The following ANK2 variants were observed in gnomAD, a reference collection of about 807,000 sequenced individuals.
The protein encoded by ANK2 is ankyrin 2.
ANK2 carries 83 observed loss-of-function variants against 360.5 expected under a neutral mutation model. The observed-to-expected ratio is 0.23, with a 90% CI of 0.19 to 0.28. The LOEUF (loss-of-function observed/expected upper bound fraction) is 0.28, where lower values mean the gene tolerates loss of function less well. Among genes scored for constraint, ANK2 ranks in the 10% least tolerant of loss-of-function variants. The probability of loss-of-function intolerance (pLI) is 1.00; values close to 1 mark genes in which losing one functional copy is unlikely to be tolerated. For missense variants in ANK2, 4,201 were observed against 4,795.7 expected (o/e 0.88, Z 3.66); for synonymous variants, 1,740 against 1,759.5 (o/e 0.99, Z 0.28).
At chr4:112,714,967 T>G in the ANK2 span, among the ~76,000 whole-genome samples, 2 of 152,322 alleles carry the variant, frequency 1.3e-5, no homozygotes, top group South Asian at 4.1e-4. Context: ...TCAAACATAG[T>G]GGCTTCAAAC....
chr4:113,272,826 T>C (rs1270855539), intron 14 of ANK2, among the ~76,000 whole-genome samples: 1 of 152,162 alleles, frequency 6.6e-6, no homozygotes, highest in African/African-American at 2.4e-5. Flanking sequence ...CCACCCACCT[T>C]TATCAAATTT....
At chr4:113,235,149 T>G (rs1296848279) in intron 5 of ANK2, among the ~76,000 whole-genome samples, 5 of 152,230 alleles carry the variant, frequency 3.3e-5, no homozygotes, top group African/African-American at 1.2e-4. Flanking sequence ...AATTTCACAC[T>G]CTTTTAATAT....
intron 1 of ANK2, chr4:113,070,181 C>A (rs1200507683): frequency 6.6e-6 from 1 of 152,174 alleles, no homozygotes; most frequent in Non-Finnish European, 1.5e-5. Context: ...ATCTTATATT[C>A]TCCAAATTTA....
At chr4:113,118,295 G>A (rs1406633964) in intron 1 of ANK2, among the ~76,000 whole-genome samples, 1 of 152,190 alleles carries the variant, frequency 6.6e-6, no homozygotes, top group East Asian at 1.9e-4. Flanking sequence ...TATTACATTA[G>A]CAGAGCATTA....
the ANK2 span, among the ~76,000 whole-genome samples, chr4:112,751,597 T>G: frequency 6.9e-6 from 1 of 145,148 alleles, no homozygotes; most frequent in African/African-American, 2.6e-5. Context: ...ATGAGAAGGA[T>G]TAAGTAGCAG....
intron 2 of ANK2, among the ~76,000 whole-genome samples, chr4:113,183,751 C>T (rs1412130644): frequency 6.6e-6 from 1 of 151,428 alleles, no homozygotes; most frequent in Non-Finnish European, 1.5e-5. Context: ...TGGAAGTGAG[C>T]GGATAAGGTA....
chr4:113,194,613 C>CT (rs1562793210), intron 2 of ANK2, among the ~76,000 whole-genome samples: 2 of 151,990 alleles, frequency 1.3e-5, no homozygotes, highest in East Asian at 1.9e-4. Context: ...GCATTACCAT[C>CT]TTTTTTTAAA....
At chr4:113,269,193 G>T (rs1361388775) in intron 14 of ANK2, among the ~76,000 whole-genome samples, 1 of 152,174 alleles carries the variant, frequency 6.6e-6, no homozygotes, top group African/African-American at 2.4e-5. Flanking sequence ...CAAGCCAGTG[G>T]ATCTTAGCTT....
chr4:112,830,613 TTA>T (rs1416812282), intron 1 of ANK2, among the ~76,000 whole-genome samples: 1 of 135,272 alleles, frequency 7.4e-6, no homozygotes, highest in African/African-American at 3.0e-5. Flanking sequence ...GCAATTATTA[TTA>T]TTATTTTTTT....
the ANK2 span, among the ~76,000 whole-genome samples, chr4:112,752,363 C>T: frequency 1.3e-5 from 2 of 152,192 alleles, no homozygotes; most frequent in Non-Finnish European, 2.9e-5. Context: ...TGTTAAGCAG[C>T]AAGTGCCTCT....
At chr4:113,185,573 TAA>T (rs1216982972) in intron 2 of ANK2, among the ~76,000 whole-genome samples, 1 of 152,246 alleles carries the variant, frequency 6.6e-6, no homozygotes, top group Non-Finnish European at 1.5e-5. Flanking sequence ...TTTTTTCTTG[TAA>T]ATTTGTTTAA....
chr4:113,253,974 C>T (rs893275836), intron 10 of ANK2, among the ~76,000 whole-genome samples: 13 of 152,170 alleles, frequency 8.5e-5, no homozygotes, highest in East Asian at 5.8e-4. Flanking sequence ...CTTCTCCTTA[C>T]GATTATTGAT....
chr4:113,366,360 C>A (rs933738045), intron 41 of ANK2, among the ~76,000 whole-genome samples: 4 of 116,202 alleles, frequency 3.4e-5, no homozygotes, highest in Non-Finnish European at 7.2e-5. Flanking sequence ...AAAACATTTT[C>A]TTTACTTAAA....
chr4:113,265,931 A>G (rs1448219129), intron 14 of ANK2, among the ~76,000 whole-genome samples: 1 of 152,168 alleles, frequency 6.6e-6, no homozygotes. Context: ...AAGTGATTTC[A>G]GGCAGGTCAC....
chr4:113,211,255 G>A (rs1410040304), intron 4 of ANK2, among the ~76,000 whole-genome samples: 1 of 152,178 alleles, frequency 6.6e-6, no homozygotes, highest in Non-Finnish European at 1.5e-5. Context: ...ATGATAATTT[G>A]TGCATCATTC....
chr4:112,809,403 TAC>T, the ANK2 span, among the ~76,000 whole-genome samples: 2 of 150,230 alleles, frequency 1.3e-5, no homozygotes, highest in Non-Finnish European at 3.0e-5. Flanking sequence ...CTACTAAATA[TAC>T]AAAAAATTAG....
At chr4:112,778,676 C>G in the ANK2 span, among the ~76,000 whole-genome samples, 1 of 152,066 alleles carries the variant, frequency 6.6e-6, no homozygotes, top group Non-Finnish European at 1.5e-5. Flanking sequence ...GGTGTCAATT[C>G]GAACCAATCG....
intron 2 of ANK2, among the ~76,000 whole-genome samples, chr4:112,986,812 C>T (rs966053017): frequency 2.6e-5 from 4 of 152,074 alleles, no homozygotes; most frequent in Non-Finnish European, 5.9e-5. Flanking sequence ...GAACCTTGAG[C>T]GCTTGCAGAT....
chr4:112,870,245 C>T lies in ANK2; in HGVS notation c.-39-34210C>T, dbSNP rs903193664. Among the ~76,000 whole-genome samples, 6 of 151,464 alleles carry T rather than the reference C, an allele frequency of 4.0e-5. No homozygotes were observed. The East Asian group carries it at 5.9e-4, about 15-fold the overall frequency. ...CTGACCTCAAGTGATCAGCCTACTT[C>T]GGCCTCCCAAAGTGCTGGGATTACA... On this transcript the variant is annotated intron_variant, in intron 1 of 30. Coordinates refer to the ANK2 transcript ENST00000503271.
Sources: allele counts gnomAD v4.1 joint callset (sites outside exome capture counted in the v4.1 genomes callset), GRCh38; gene constraint gnomAD v4.1.1; transcripts MANE v1.5; gene names NCBI Gene and HGNC (gene_info 2026-07-23, HGNC 2026-07-21).